EDC3: variants seen among roughly 807,000 people sequenced by gnomAD.
EDC3 encodes enhancer of mRNA-decapping protein 3.
Under a neutral mutation model 41.8 loss-of-function variants are expected in EDC3, and 20 were observed. That is an observed-to-expected ratio of 0.48 (90% confidence interval 0.34 to 0.70). The LOEUF (loss-of-function observed/expected upper bound fraction) is 0.70. EDC3 is among the 30% of genes least tolerant of loss of function. EDC3 has a pLI of 0.01. For missense variants in EDC3, 444 were observed against 636.8 expected, an observed-to-expected ratio of 0.70 and a Z score of 3.26; for synonymous variants, 206 against 243.2, an observed-to-expected ratio of 0.85 and a Z score of 1.42.
At chr15:74,684,228 G>A (rs927801434) in intron 1 of EDC3, among the ~76,000 whole-genome samples, 2 of 151,378 alleles carry the variant, frequency 1.3e-5, no homozygotes, top group East Asian at 3.9e-4. Flanking sequence ...GTAGAGACAG[G>A]GTCTCACTTT....
chr15:74,638,226 C>T (rs1472375561), intron 5 of EDC3: 1 of 151,746 alleles, frequency 6.6e-6, no homozygotes, highest in Non-Finnish European at 1.5e-5. Flanking sequence ...TTTCTGTTCA[C>T]ACCTTCTCCT....
rs999686251 is a variant in EDC3, at chr15:74,632,521, CTT to C, written c.*89_*90del. On this transcript the variant is annotated 3_prime_UTR_variant, in exon 7 of 7. Transcript: ENST00000315127. The surrounding 1 kb of genome is among the most constrained non-coding windows in gnomAD (Gnocchi z 4.0). ...AGAAACAAACCCAAAAGAGAAAAAA[CTT>C]TAACAAGGTCCATGAAGCTTCATAT... The C allele has an allele frequency of 6.9e-7, 1 of 1,445,930 alleles. No homozygotes were observed. The highest frequency in any genetic ancestry group is 9.3e-7 in the Non-Finnish European group (1 of 1,070,862). 89.6% of individuals were successfully genotyped at this position (1,445,930 alleles called of 1,614,324 possible).
intron 1 of EDC3, among the ~76,000 whole-genome samples, chr15:74,694,032 C>T (rs1440466429): frequency 6.6e-6 from 1 of 151,930 alleles, no homozygotes; most frequent in Non-Finnish European, 1.5e-5. Flanking sequence ...AAAATTCTGA[C>T]ACACTATCAT....
chr15:74,632,466 A>T lies in EDC3; in HGVS notation c.*146T>A. On this transcript the variant is annotated 3_prime_UTR_variant, in exon 7 of 7. Coordinates refer to ENST00000315127, the MANE Select transcript of EDC3 (RefSeq NM_025083.5). This position sits in a 1 kb window ranked among gnomAD's most constrained non-coding sequence, Gnocchi z 4.0. ...CCTGGCTAAGAGCAAGTGACAGGTC[A>T]GTTTTAAGTAAGTTCTGTTCTCTCA... The T allele has an allele frequency of 1.0e-6, 1 of 965,662 alleles. No individual in the cohort carries two copies. The highest frequency in any genetic ancestry group is 1.5e-6 in the Non-Finnish European group (1 of 665,174). 59.8% of individuals were successfully genotyped at this position (965,662 alleles called of 1,614,324 possible).
intron 1 of EDC3, among the ~76,000 whole-genome samples, chr15:74,687,754 T>C (rs922187893): frequency 2.0e-5 from 3 of 152,300 alleles, no homozygotes; most frequent in Admixed American, 1.3e-4. Context: ...ATTTTAGGCT[T>C]CTTTTCCCTT....
At chr15:74,668,998 G>A (rs2062709341) in intron 3 of EDC3, among the ~76,000 whole-genome samples, 1 of 152,150 alleles carries the variant, frequency 6.6e-6, no homozygotes, top group African/African-American at 2.4e-5. Context: ...CACTTGGGGA[G>A]GCCGAGGCAG....
At position 74,683,768 on chromosome 15, in the gene EDC3, T is replaced by C. The variant is rs139688316; in HGVS notation, c.-18-8626A>G. 1.9e-4 allele frequency among the ~76,000 whole-genome samples: 29 copies of C among 152,294 alleles called. 1 individual carries two copies. In the East Asian group the frequency reaches 4.0e-3, roughly 21 times the overall value. On this transcript the variant is annotated intron_variant, in intron 1 of 6. Transcript: ENST00000315127. ...TGCATCACATTAACAAAATAAGTGA[T>C]GAAATCATGTATAATCATATCAATA...
At chr15:74,659,487 AAT>A (rs10601683) in intron 3 of EDC3, among the ~76,000 whole-genome samples, 21,461 of 141,854 alleles carry the variant, frequency 0.15, 2,043 homozygotes, top group East Asian at 0.4. Context: ...AAAAAATAGA[AAT>A]ATATATATAT....
chr15:74,635,942 T>C (rs539917384), intron 5 of EDC3: 80 of 343,232 alleles, frequency 2.3e-4, no homozygotes, highest in African/African-American at 1.6e-3. Context: ...TCTGCAGCCT[T>C]GTCTGCTCTT....
At chr15:74,670,921 G>A (rs897615733) in intron 3 of EDC3, among the ~76,000 whole-genome samples, 1 of 152,138 alleles carries the variant, frequency 6.6e-6, no homozygotes, top group Non-Finnish European at 1.5e-5. Context: ...TCTCTTCTGA[G>A]GATGAGACTC....
At position 74,632,252 on chromosome 15, in the gene EDC3, A is replaced by G. The variant is rs534754245; in HGVS notation, c.*360T>C. 14 of 294,042 alleles carry G rather than the reference A, an allele frequency of 4.8e-5. No homozygotes were observed. Among genetic ancestry groups the G allele is most frequent in the Non-Finnish European group, 9.1e-5 (14 of 153,820 alleles). 18.2% of individuals were successfully genotyped at this position (294,042 alleles called of 1,614,324 possible). A position where few individuals can be genotyped will look rare whatever the true frequency, so the allele number is the denominator to read the frequency against. The stretch of plus-strand genomic sequence containing the variant: ...ATAGAGCAGGTACAGGCCCCCAGAC[A>G]GGACCTGGCCCACTCTTCAATGTGT... On this transcript the variant is annotated 3_prime_UTR_variant, in exon 7 of 7. Transcript: ENST00000315127. The surrounding 1 kb of genome is among the most constrained non-coding windows in gnomAD (Gnocchi z 4.0).
At chr15:74,640,878 A>G in intron 4 of EDC3, 1 of 480,544 alleles carries the variant, frequency 2.1e-6, no homozygotes. Flanking sequence ...TTAGCTTTAG[A>G]CCACAAAGGC....
chr15:74,684,943 C>T (rs1483843181), intron 1 of EDC3, among the ~76,000 whole-genome samples: 1 of 152,084 alleles, frequency 6.6e-6, no homozygotes, highest in Non-Finnish European at 1.5e-5. Flanking sequence ...ATGGTTAGTT[C>T]CATCCTGCCT....
In EDC3 at chr15:74,656,406, A is replaced by AACACACACAC. The variant is rs143925363; in HGVS notation, c.485-348_485-339dup. On this transcript the variant is annotated intron_variant, in intron 3 of 6. Coordinates refer to ENST00000315127, the MANE Select transcript of EDC3 (RefSeq NM_025083.5). ...GGCAAAGAGCAAGAATCTGTCTCAA[A>AACACACACAC]ACACACACACACACACACACACACA... 6.5e-3 allele frequency among the ~76,000 whole-genome samples: 952 copies of AACACACACAC among 145,934 alleles called. 6 individuals are homozygous for AACACACACAC. The highest frequency in any genetic ancestry group is 8.4e-3 in the Admixed American group (122 of 14,556).
At chr15:74,663,319 G>A (rs2062641856) in intron 3 of EDC3, among the ~76,000 whole-genome samples, 1 of 151,942 alleles carries the variant, frequency 6.6e-6, no homozygotes. Context: ...AAAATAAAAT[G>A]TAAAGAAAAA....
intron 1 of EDC3, among the ~76,000 whole-genome samples, chr15:74,680,794 G>C (rs2062862351): frequency 6.6e-6 from 1 of 151,944 alleles, no homozygotes; most frequent in South Asian, 2.1e-4. Flanking sequence ...TGGGATACAA[G>C]ATAAACATAC....
At chr15:74,668,761 A>AGAAG (rs750962442) in intron 3 of EDC3, among the ~76,000 whole-genome samples, 6 of 151,896 alleles carry the variant, frequency 4.0e-5, no homozygotes, top group Non-Finnish European at 7.4e-5. Flanking sequence ...AAAGAAAGAA[A>AGAAG]GAAAAAGGTT....
intron 1 of EDC3, among the ~76,000 whole-genome samples, chr15:74,692,544 T>C (rs2063019436): frequency 1.3e-5 from 2 of 151,770 alleles, no homozygotes; most frequent in South Asian, 2.1e-4. Context: ...AGGCCAAAGA[T>C]GACATAAAAA....
chr15:74,635,499 G>T lies in EDC3; in HGVS notation c.1102C>A (p.Leu368Met), dbSNP rs144174126. ...TCCAACATCTTGACAAAATTGGGCA[G>T]GAAAAGGATGACCTGGACATCATGG... ...ANHDVQVILF[L>M]PNFVKMLESI... Residue 368 changes from leucine to methionine, a missense_variant, in exon 6 of 7, where the codon CTG becomes ATG. By Grantham distance (15) the Leu-to-Met change is conservative. Transcript: ENST00000315127. 1,115 of 1,614,242 alleles carry T rather than the reference G, an allele frequency of 6.9e-4. 1 individual carries two copies. The highest frequency in any genetic ancestry group is 1.6e-3 in the South Asian group (146 of 91,090).
Sources: gnomAD v4.1 joint callset for allele counts (sites outside exome capture counted in the v4.1 genomes callset) on GRCh38, gnomAD v4.1.1 for gene constraint, Gnocchi (gnomAD v3.1) non-coding constraint, MANE v1.5 for transcripts, NCBI Gene and HGNC (gene_info 2026-07-23, HGNC 2026-07-21) for gene names.